TBXAS1: variants seen among roughly 807,000 people sequenced by gnomAD.
TBXAS1 encodes the protein thromboxane-A synthase.
In TBXAS1, 48 loss-of-function variants were observed where a neutral mutation model predicts 60.7. The observed-to-expected ratio is 0.79, with a 90% CI of 0.63 to 1.01. The LOEUF is 1.01. Ranked by LOEUF, TBXAS1 falls within the 50% of genes least tolerant of loss-of-function variation. TBXAS1 has a pLI of 0.00. For synonymous variants in TBXAS1, 287 were observed against 269.7 expected (o/e 1.06, Z -0.63); for missense variants, 685 against 686.3 (o/e 1.00, Z 0.02).
At chr7:139,875,772 G>T in intron 3 of TBXAS1, 135 bp downstream of exon 3, 1 of 1,209,556 alleles carries the variant, frequency 8.3e-7, no homozygotes. Context: ...TTTTTCAAAG[G>T]GCCCACAAAG....
chr7:139,891,987 A>G lies in TBXAS1; in HGVS notation c.236+16350A>G, dbSNP rs556623174. 1.1e-4 allele frequency among the ~76,000 whole-genome samples: 16 copies of G among 152,336 alleles called. No homozygotes were observed. In the South Asian group the frequency reaches 3.3e-3, roughly 32 times the overall value. On this transcript the variant is annotated intron_variant, in intron 3 of 12. Transcript: ENST00000448866. The stretch of plus-strand genomic sequence containing the variant: ...ATCAATTCAGTAGTTAGCCCATCAA[A>G]GTAAAAAATTGAATTACACTGTGTA...
intron 4 of TBXAS1, among the ~76,000 whole-genome samples, chr7:139,918,487 A>G (rs1806177894): frequency 6.6e-6 from 1 of 152,170 alleles, no homozygotes; most frequent in Non-Finnish European, 1.5e-5. Flanking sequence ...GTCCTTCTTG[A>G]ACACTGCTTC....
At chr7:140,007,964 G>A (rs188080201) in intron 10 of TBXAS1, among the ~76,000 whole-genome samples, 5 of 152,324 alleles carry the variant, frequency 3.3e-5, no homozygotes, top group African/African-American at 1.2e-4. Flanking sequence ...CCATAGAGAA[G>A]GGCATCTTAA....
intron 9 of TBXAS1, among the ~76,000 whole-genome samples, chr7:139,969,921 G>A (rs1295178233): frequency 6.6e-6 from 1 of 152,210 alleles, no homozygotes; most frequent in East Asian, 1.9e-4. Flanking sequence ...CAGCCCTAAT[G>A]TTGAATCTAA....
At chr7:139,892,929 C>G (rs562096451) in intron 3 of TBXAS1, among the ~76,000 whole-genome samples, 7 of 152,292 alleles carry the variant, frequency 4.6e-5, no homozygotes, top group Admixed American at 4.6e-4. Flanking sequence ...ATCCAGTCCT[C>G]TCCCCTCTTT....
intron 3 of TBXAS1, among the ~76,000 whole-genome samples, chr7:139,902,576 T>G (rs1804666057): frequency 6.6e-6 from 1 of 152,178 alleles, no homozygotes; most frequent in Non-Finnish European, 1.5e-5. Context: ...CTGTAAACAT[T>G]CATGTACATG....
chr7:139,944,443 T>C (rs1808536983), intron 5 of TBXAS1, among the ~76,000 whole-genome samples: 1 of 152,216 alleles, frequency 6.6e-6, no homozygotes, highest in Non-Finnish European at 1.5e-5. Flanking sequence ...TGGTGCACAC[T>C]TCACTAGAGC....
At chr7:139,986,085 C>T (rs999492228) in intron 9 of TBXAS1, among the ~76,000 whole-genome samples, 40 of 152,248 alleles carry the variant, frequency 2.6e-4, no homozygotes, top group Middle Eastern at 3.4e-3. Context: ...GGCTGGCGGG[C>T]GGAGGAGTGC....
rs1810796380 is a variant in TBXAS1 at position 139,966,468 on chromosome 7, T to C, written c.1134+4235T>C. The stretch of plus-strand genomic sequence containing the variant: ...TTCAGGGGCTCAAGCCCTGTCCAAG[T>C]TGTTCTCTCTCCCCATTTCTCAGCT... On this transcript the variant is annotated intron_variant, in intron 9 of 12. Transcript: ENST00000448866. 2.0e-5 allele frequency among the ~76,000 whole-genome samples: 3 copies of C among 152,270 alleles called. 1 individual carries two copies. The South Asian group carries it at 6.2e-4, about 32-fold the overall frequency.
At chr7:139,805,028 C>A (rs1006368371) in intron 4 of TBXAS1, among the ~76,000 whole-genome samples, 1 of 152,212 alleles carries the variant, frequency 6.6e-6, no homozygotes, top group Non-Finnish European at 1.5e-5. Context: ...TAGAATAATC[C>A]TTTTCCATCT....
intron 4 of TBXAS1, among the ~76,000 whole-genome samples, chr7:139,809,233 T>TAGATAGATAGAAGATAGATAGATA (rs1554466810): frequency 7.6e-6 from 1 of 130,998 alleles, no homozygotes; most frequent in East Asian, 2.2e-4. Context: ...GATAGATAGA[T>TAGATAGATAGAAGATAGATAGATA]GATAGATAGA....
At chr7:139,811,436 A>G (rs1451132090) in intron 4 of TBXAS1, among the ~76,000 whole-genome samples, 1 of 152,256 alleles carries the variant, frequency 6.6e-6, no homozygotes, top group East Asian at 1.9e-4. Context: ...TGGCATGGGC[A>G]AGCTCTTATC....
intron 4 of TBXAS1, among the ~76,000 whole-genome samples, chr7:139,806,214 C>T (rs574414253): frequency 1.6e-4 from 25 of 151,678 alleles, no homozygotes; most frequent in African/African-American, 5.8e-4. Flanking sequence ...GCTGGGATTA[C>T]AGGCATGAGC....
At chr7:139,804,122 G>A (rs1183336504) in intron 4 of TBXAS1, among the ~76,000 whole-genome samples, 3 of 152,218 alleles carry the variant, frequency 2.0e-5, no homozygotes, top group South Asian at 2.1e-4. Context: ...CAGCCAGAAG[G>A]GGGGCTATAC....
chr7:139,886,462 G>T (rs1803121368), intron 3 of TBXAS1, among the ~76,000 whole-genome samples: 1 of 147,086 alleles, frequency 6.8e-6, no homozygotes, highest in Non-Finnish European at 1.5e-5. Flanking sequence ...ATCTATGGCT[G>T]GTGAATGGCT....
At chr7:139,950,463 A>T (rs1408708621) in intron 5 of TBXAS1, among the ~76,000 whole-genome samples, 1 of 152,162 alleles carries the variant, frequency 6.6e-6, no homozygotes, top group African/African-American at 2.4e-5. Context: ...TCCCTCCATG[A>T]GCCTTGGCAA....
At chr7:139,893,668 T>G (rs1192772405) in intron 3 of TBXAS1, among the ~76,000 whole-genome samples, 3 of 152,278 alleles carry the variant, frequency 2.0e-5, no homozygotes, top group Non-Finnish European at 4.4e-5. Flanking sequence ...TAACTTGAAT[T>G]GTAATCTTCA....
intron 3 of TBXAS1, among the ~76,000 whole-genome samples, chr7:139,880,027 G>T (rs116955336): frequency 1.3e-5 from 2 of 152,140 alleles, no homozygotes; most frequent in African/African-American, 4.8e-5. Flanking sequence ...GGGAATACAG[G>T]CATGTGCCAT....
At chr7:140,006,065 G>A (rs1207308944) in intron 9 of TBXAS1, among the ~76,000 whole-genome samples, 1 of 152,334 alleles carries the variant, frequency 6.6e-6, no homozygotes, top group South Asian at 2.1e-4. Flanking sequence ...GAACGTTGGC[G>A]GCTTGAGAAT....
Sources: gnomAD v4.1 joint callset for allele counts (sites outside exome capture counted in the v4.1 genomes callset) on GRCh38, gnomAD v4.1.1 for gene constraint, MANE v1.5 for transcripts, NCBI Gene and HGNC (gene_info 2026-07-23, HGNC 2026-07-21) for gene names.